BBC3: variants seen among roughly 807,000 people sequenced by gnomAD.
The protein encoded by BBC3 is BCL2 binding component 3.
In BBC3, 5 loss-of-function variants were observed where a neutral mutation model predicts 18.2. That is an observed-to-expected ratio of 0.27 (90% CI 0.14 to 0.58). BBC3 has a LOEUF of 0.58. Among genes scored for constraint, BBC3 ranks in the 20% least tolerant of loss-of-function variants. BBC3 has a pLI of 0.91. For missense variants in BBC3, 224 were observed against 268.9 expected (o/e 0.83, Z 1.17); for synonymous variants, 119 against 128.0 (o/e 0.93, Z 0.47).
Position 47,221,843 on chromosome 19 carries a change from AG to A in BBC3, c.540del (p.Leu181TyrfsTer34). On this transcript the variant is annotated frameshift_variant, in exon 4 of 4. Transcript: ENST00000439096. LOFTEE classifies it high-confidence loss of function. Reference protein sequence around the residue: ...VLYNLIMGLLPLPRGHRAPEM... With the variant: ...VLYNLIMGLLXLPRGHRAPEM... ...TCGGGGGCTCTGTGGCCCCTGGGTA[AG>A]GGCAGGAGTCCCATGATGAGATTGT... 6.2e-7 allele frequency: 1 copy of A among 1,613,782 alleles called. No homozygotes were observed. Among genetic ancestry groups the A allele is most frequent in the Non-Finnish European group, 8.5e-7 (1 of 1,179,876 alleles).
chr19:47,224,514 T>C (rs547372749), intron 3 of BBC3, among the ~76,000 whole-genome samples: 3 of 151,936 alleles, frequency 2.0e-5, no homozygotes, highest in Admixed American at 6.6e-5. Flanking sequence ...TGGTCCCAGC[T>C]ACTTGGGAGG....
upstream of BBC3, among the ~76,000 whole-genome samples, chr19:47,231,867 C>T (rs1231413539): frequency 6.6e-6 from 1 of 152,122 alleles, no homozygotes; most frequent in Non-Finnish European, 1.5e-5. This position sits in a 1 kb window ranked among gnomAD's most constrained non-coding sequence, Gnocchi z 4.0. Flanking sequence ...CACGGTGGTG[C>T]AACCACACAG....
intron 3 of BBC3, chr19:47,222,606 G>A (rs1659930715): frequency 6.6e-6 from 1 of 152,262 alleles, no homozygotes; most frequent in African/African-American, 2.4e-5. Flanking sequence ...AGAGGCCAAG[G>A]CGGGAGGATC....
At chr19:47,229,993 C>G (rs1568625645) in intron 1 of BBC3, among the ~76,000 whole-genome samples, 1 of 151,956 alleles carries the variant, frequency 6.6e-6, no homozygotes. Flanking sequence ...ACACATATCG[C>G]ACGCTCGGGC....
At chr19:47,232,326 G>A (rs951158514), upstream of BBC3, among the ~76,000 whole-genome samples, 1 of 152,212 alleles carries the variant, frequency 6.6e-6, no homozygotes, top group African/African-American at 2.4e-5. Context: ...ACTCTAGCCT[G>A]GGCAACAAGA....
At chr19:47,231,295 CGCTA>C, upstream of BBC3, 1 of 737,478 alleles carries the variant, frequency 1.4e-6, no homozygotes, top group Non-Finnish European at 1.7e-6. This position sits in a 1 kb window ranked among gnomAD's most constrained non-coding sequence, Gnocchi z 4.0. Flanking sequence ...CCCCGCGTGA[CGCTA>C]CGGCCCCGCC....
intron 3 of BBC3, among the ~76,000 whole-genome samples, chr19:47,222,991 C>T (rs1421895230): frequency 6.9e-6 from 1 of 144,642 alleles, no homozygotes; most frequent in Non-Finnish European, 1.5e-5. Flanking sequence ...AAAATACAGG[C>T]CGGGTGCGGT....
At chr19:47,231,611 C>T (rs1472761873), upstream of BBC3, among the ~76,000 whole-genome samples, 4 of 152,166 alleles carry the variant, frequency 2.6e-5, no homozygotes, top group Non-Finnish European at 5.9e-5. This position sits in a 1 kb window ranked among gnomAD's most constrained non-coding sequence, Gnocchi z 4.0. Context: ...AGACACAAGG[C>T]CACAGTCTCG....
At chr19:47,226,139 C>T (rs547102890) in intron 3 of BBC3, among the ~76,000 whole-genome samples, 110 of 151,694 alleles carry the variant, frequency 7.3e-4, no homozygotes, top group Non-Finnish European at 1.5e-3. Flanking sequence ...CCCCGGCCCG[C>T]CCCGGCGCCC....
upstream of BBC3, chr19:47,232,659 C>T (rs149997215): frequency 5.9e-4 from 864 of 1,465,580 alleles, 18 homozygotes; most frequent in East Asian, 0.022. Context: ...TTACTTCCTG[C>T]CCTGCTCTGG....
chr19:47,231,085 G>A lies in BBC3; in HGVS notation c.-172C>T, dbSNP rs992205415. On this transcript the variant is annotated 5_prime_UTR_variant, in exon 1 of 4. Coordinates refer to ENST00000439096, the MANE Select transcript of BBC3 (RefSeq NM_014417.5). The surrounding 1 kb of genome is among the most constrained non-coding windows in gnomAD (Gnocchi z 4.0). ...TGCAGTGGCGGCTGCTGTGGCTGTG[G>A]CTGCTGCTGCTCCCCGGGCCGCAGG... 53 of 965,934 alleles carry A rather than the reference G, an allele frequency of 5.5e-5. No individual in the cohort carries two copies. Among genetic ancestry groups the A allele is most frequent in the Non-Finnish European group, 6.0e-5 (49 of 811,618 alleles). 59.8% of individuals were successfully genotyped at this position (965,934 alleles called of 1,614,324 possible).
At chr19:47,224,877 T>C (rs1464939103) in intron 3 of BBC3, among the ~76,000 whole-genome samples, 1 of 151,880 alleles carries the variant, frequency 6.6e-6, no homozygotes, top group Non-Finnish European at 1.5e-5. Context: ...TAGCTGGGAT[T>C]ACTGGCGTGT....
At chr19:47,227,722 T>G (rs2058853594) in intron 2 of BBC3, among the ~76,000 whole-genome samples, 1 of 151,966 alleles carries the variant, frequency 6.6e-6, no homozygotes, top group Non-Finnish European at 1.5e-5. Context: ...CCGGGACTGC[T>G]GAGGACAGCC....
At chr19:47,226,482 C>T in intron 3 of BBC3, 82 bp downstream of exon 3, 3 of 1,220,448 alleles carry the variant, frequency 2.5e-6, no homozygotes, top group Non-Finnish European at 3.2e-6. Flanking sequence ...GCAGCAGCTG[C>T]CGCACATCTG....
chr19:47,232,687 T>C, upstream of BBC3: 1 of 1,283,820 alleles, frequency 7.8e-7, no homozygotes, highest in Non-Finnish European at 1.1e-6. Flanking sequence ...AGTTTTGTCC[T>C]TCCTTTTTCC....
Position 47,226,676 on chromosome 19 carries a change from C to G in BBC3, c.353G>C (p.Gly118Ala). The G allele has an allele frequency of 6.6e-7, 1 of 1,505,242 alleles. No homozygotes were observed. The highest frequency in any genetic ancestry group is 8.9e-7 in the Non-Finnish European group (1 of 1,128,666). The allele number at this position is 1,505,242 out of a possible 1,614,324, so 93.2% of individuals were successfully genotyped here. A position where few individuals can be genotyped will look rare whatever the true frequency, so the allele number is the denominator to read the frequency against. Residue 118 changes from glycine (G) to alanine (A), a missense_variant, in exon 3 of 4, where the codon GGT becomes GCT. Physicochemically the swap from Gly to Ala is moderately conservative, Grantham distance 60 (BLOSUM62 0). Coordinates refer to ENST00000439096, the MANE Select transcript of BBC3 (RefSeq NM_014417.5). The stretch of plus-strand genomic sequence containing the variant: ...GACTCCCGGGGCCGCCTGGGTGGGA[C>G]CGCCCGCCAGAGCCCCCGGGGCGCT... The part of the protein sequence containing the change: ...VPSAPGALAG[G>A]PTQAAPGVRG...
At chr19:47,221,966 T>G (rs756841779) in intron 3 of BBC3, 48 bp from the exon 4 acceptor site, 3 of 1,508,730 alleles carry the variant, frequency 2.0e-6, no homozygotes, top group East Asian at 2.3e-5. Context: ...CTGAGTATGG[T>G]GATGGGAGTG....
upstream of BBC3, among the ~76,000 whole-genome samples, chr19:47,231,844 C>T (rs2058918758): frequency 6.6e-6 from 1 of 152,140 alleles, no homozygotes; most frequent in Non-Finnish European, 1.5e-5. The surrounding 1 kb of genome is among the most constrained non-coding windows in gnomAD (Gnocchi z 4.0). Flanking sequence ...CGAACAGGCA[C>T]CCACACCACA....
At position 47,228,188 on chromosome 19, in the gene BBC3, G is replaced by C; in HGVS notation, c.244C>G (p.Arg82Gly). The change falls in exon 2 of 4, where the codon CGC becomes GGC. Residue 82 changes from arginine (R) to glycine (G), a missense_variant. Transcript: ENST00000439096. This position sits in a 1 kb window ranked among gnomAD's most constrained non-coding sequence, Gnocchi z 5.5. ...LGGSRWPGGP[R>G]SRPRGPRPDG... ...GGGCGCGGGCCTCGGGGCCGGCTGC[G>C]GGGACCCCCAGGCCAGCGGGAACCC... The C allele has an allele frequency of 4.9e-6, 6 of 1,224,700 alleles. No individual in the cohort carries two copies. 75.9% of individuals were successfully genotyped at this position (1,224,700 alleles called of 1,614,324 possible). A position where few individuals can be genotyped will look rare whatever the true frequency, so the allele number is the denominator to read the frequency against.
Sources: gnomAD v4.1 joint callset for allele counts (sites outside exome capture counted in the v4.1 genomes callset) on GRCh38, gnomAD v4.1.1 for gene constraint, Gnocchi (gnomAD v3.1) non-coding constraint, MANE v1.5 for transcripts, NCBI Gene and HGNC (gene_info 2026-07-23, HGNC 2026-07-21) for gene names.